Variants in GRIN2A observed in about 807,000 individuals in gnomAD.
GRIN2A encodes glutamate ionotropic receptor NMDA type subunit 2A, also known as glutamate receptor ionotropic, NMDA 2A.
Under a neutral mutation model 113.4 loss-of-function variants are expected in GRIN2A, and 22 were observed. The ratio of observed to expected loss-of-function variants is 0.19; its 90% CI spans 0.14 to 0.28. GRIN2A has a LOEUF of 0.28. Ranked by LOEUF, GRIN2A falls within the 10% of genes least tolerant of loss-of-function variation. The pLI is 1.00. For synonymous variants in GRIN2A, 827 were observed against 738.4 expected, an observed-to-expected ratio of 1.12 and a Z score of -1.94; for missense variants, 1,502 against 1,887.0, an observed-to-expected ratio of 0.80 and a Z score of 3.78.
At chr16:10,059,395 G>A (rs940571823) in intron 2 of GRIN2A, among the ~76,000 whole-genome samples, 1 of 152,106 alleles carries the variant, frequency 6.6e-6, no homozygotes, top group African/African-American at 2.4e-5. Flanking sequence ...AGAGAGTGGT[G>A]ACTTGATCCA....
At chr16:10,152,841 G>T (rs1481748035) in intron 2 of GRIN2A, among the ~76,000 whole-genome samples, 1 of 152,150 alleles carries the variant, frequency 6.6e-6, no homozygotes, top group Non-Finnish European at 1.5e-5. Flanking sequence ...AATCTGAAAA[G>T]GTTACATACT....
At chr16:9,994,425 G>A (rs541932374) in intron 2 of GRIN2A, among the ~76,000 whole-genome samples, 1 of 152,290 alleles carries the variant, frequency 6.6e-6, no homozygotes, top group East Asian at 1.9e-4. Context: ...GAGGTGAAAT[G>A]AGAGAGTCTC....
At chr16:9,960,555 C>A (rs570639955) in intron 2 of GRIN2A, among the ~76,000 whole-genome samples, 21 of 152,272 alleles carry the variant, frequency 1.4e-4, no homozygotes, top group African/African-American at 5.1e-4. Context: ...GTGAAGTCAA[C>A]CAGACTATCT....
At chr16:9,775,553 G>T (rs969398768) in intron 11 of GRIN2A, among the ~76,000 whole-genome samples, 1 of 152,238 alleles carries the variant, frequency 6.6e-6, no homozygotes, top group Non-Finnish European at 1.5e-5. Context: ...GATTGGATTT[G>T]CATAGGGCTG....
chr16:10,064,123 C>T (rs938778704), intron 2 of GRIN2A, among the ~76,000 whole-genome samples: 3 of 152,182 alleles, frequency 2.0e-5, no homozygotes, highest in African/African-American at 4.8e-5. Flanking sequence ...GGTTCTCAAT[C>T]GATGTCTATA....
chr16:9,818,635 G>C (rs1374528232), intron 10 of GRIN2A, among the ~76,000 whole-genome samples: 1 of 151,998 alleles, frequency 6.6e-6, no homozygotes, highest in African/African-American at 2.4e-5. Flanking sequence ...AAGTAAAAAA[G>C]GAATTGCCGA....
Position 9,755,187 on chromosome 16 carries a change from A to T in GRIN2A, c.*7962T>A, listed in dbSNP as rs1900303800. 5.2e-6 allele frequency: 1 copy of T among 190,716 alleles called. No individual in the cohort carries two copies. Among genetic ancestry groups the T allele is most frequent in the African/African-American group, 2.3e-5 (1 of 42,958 alleles). 11.8% of individuals were successfully genotyped at this position (190,716 alleles called of 1,614,324 possible). On this transcript the variant is annotated 3_prime_UTR_variant, in exon 13 of 13. Transcript: ENST00000330684. ...AGTTTTGTCTTCTTCGTTTCTGCAGACCGCTGACACTTTATCTGAGGAAGT... is the reference window on the plus strand; with the variant it reads ...AGTTTTGTCTTCTTCGTTTCTGCAGTCCGCTGACACTTTATCTGAGGAAGT...
intron 2 of GRIN2A, among the ~76,000 whole-genome samples, chr16:10,100,766 C>T (rs72774196): frequency 0.079 from 12,048 of 152,268 alleles, 622 homozygotes; most frequent in Non-Finnish European, 0.12. Context: ...GGATGATTAG[C>T]GCCCAGAAAG....
At chr16:10,044,864 G>A (rs2047231637) in intron 2 of GRIN2A, among the ~76,000 whole-genome samples, 1 of 151,852 alleles carries the variant, frequency 6.6e-6, no homozygotes, top group Non-Finnish European at 1.5e-5. Context: ...TAAATCACAG[G>A]GTACAAGGCG....
chr16:10,142,534 C>T (rs1438011086), intron 2 of GRIN2A, among the ~76,000 whole-genome samples: 1 of 152,066 alleles, frequency 6.6e-6, no homozygotes, highest in Non-Finnish European at 1.5e-5. Context: ...CTCTACAAAA[C>T]ATTTAAAAAT....
intron 2 of GRIN2A, among the ~76,000 whole-genome samples, chr16:10,013,969 C>A (rs1475726733): frequency 6.6e-6 from 1 of 152,192 alleles, no homozygotes; most frequent in Non-Finnish European, 1.5e-5. Flanking sequence ...GGTCAAGCTC[C>A]TCTGTTGAAT....
chr16:10,059,172 C>T (rs561971466), intron 2 of GRIN2A, among the ~76,000 whole-genome samples: 1 of 152,296 alleles, frequency 6.6e-6, no homozygotes, highest in Admixed American at 6.5e-5. Flanking sequence ...GGAGCAGCTG[C>T]AGATGTGCTG....
intron 2 of GRIN2A, among the ~76,000 whole-genome samples, chr16:10,020,477 C>A (rs1232078959): frequency 6.6e-6 from 1 of 152,188 alleles, no homozygotes; most frequent in African/African-American, 2.4e-5. Context: ...AAAGGGAGTT[C>A]TGCACGTTAT....
At position 9,936,231 on chromosome 16, in the gene GRIN2A, C is replaced by T. The variant is rs945305315; in HGVS notation, c.1007+1728G>A. 1.3e-4 allele frequency among the ~76,000 whole-genome samples: 20 copies of T among 152,312 alleles called. 1 individual carries two copies. The highest frequency in any genetic ancestry group is 3.6e-4 in the African/African-American group (15 of 41,570). ...ATTCTCTGGGCTCACCCCATATTTT[C>T]TATTACATTAGAAACTCTGAGATTG... is the stretch of plus-strand genomic sequence containing the variant. On this transcript the variant is annotated intron_variant, in intron 3 of 12. Coordinates refer to ENST00000330684, the MANE Select transcript of GRIN2A (RefSeq NM_001134407.3).
intron 2 of GRIN2A, among the ~76,000 whole-genome samples, chr16:9,985,869 A>G (rs1459581413): frequency 6.6e-6 from 1 of 152,208 alleles, no homozygotes; most frequent in Non-Finnish European, 1.5e-5. Flanking sequence ...AAGAAAGGGT[A>G]AATGCTTGAG....
intron 2 of GRIN2A, among the ~76,000 whole-genome samples, chr16:10,086,290 A>G (rs1375286548): frequency 1.3e-5 from 2 of 152,204 alleles, no homozygotes; most frequent in African/African-American, 4.8e-5. Context: ...TGACACTGCC[A>G]TCAGCTTCTG....
intron 2 of GRIN2A, among the ~76,000 whole-genome samples, chr16:10,078,329 G>A (rs758669824): frequency 9.9e-5 from 15 of 151,930 alleles, no homozygotes; most frequent in Non-Finnish European, 1.3e-4. Flanking sequence ...TCTGTTCCTC[G>A]TGACCACACT....
At chr16:10,070,791 G>C (rs1361595513) in intron 2 of GRIN2A, among the ~76,000 whole-genome samples, 1 of 152,186 alleles carries the variant, frequency 6.6e-6, no homozygotes, top group African/African-American at 2.4e-5. Flanking sequence ...TCTGCAGACT[G>C]CCTCACACGC....
intron 2 of GRIN2A, among the ~76,000 whole-genome samples, chr16:10,165,831 A>G (rs970022570): frequency 3.3e-5 from 5 of 151,788 alleles, no homozygotes; most frequent in Non-Finnish European, 5.9e-5. Context: ...AGAGGAGAAG[A>G]GAAGAGGAAA....
Sources: allele counts gnomAD v4.1 joint callset (sites outside exome capture counted in the v4.1 genomes callset), GRCh38; gene constraint gnomAD v4.1.1; transcripts MANE v1.5; gene names NCBI Gene and HGNC (gene_info 2026-07-23, HGNC 2026-07-21).